The following DDX56 variants were observed in gnomAD, a reference collection of about 807,000 sequenced individuals.
DDX56 encodes the protein probable ATP-dependent RNA helicase DDX56.
In DDX56, 45 loss-of-function variants were observed where a neutral mutation model predicts 61.5. The observed-to-expected ratio is 0.73, with a 90% CI of 0.58 to 0.94. The LOEUF is 0.94. Among genes scored for constraint, DDX56 ranks in the 40% least tolerant of loss-of-function variants. The pLI is 0.00. For synonymous variants in DDX56, 273 were observed against 268.3 expected (o/e 1.02, Z -0.17); for missense variants, 708 against 690.7 (o/e 1.02, Z -0.28).
At position 44,570,868 on chromosome 7, in the gene DDX56, G is replaced by A; in HGVS notation, c.900C>T (p.Ile300=). Residue 300 remains isoleucine (I), a synonymous_variant, in exon 7 of 14, where the codon ATC becomes ATT. Coordinates refer to ENST00000258772, the MANE Select transcript of DDX56 (RefSeq NM_019082.4). ...GELPLRSRCH[I]ISQFNQGFYD... is the part of the protein sequence containing the mutation. The stretch of plus-strand genomic sequence containing the variant: ...AGAAGCCTTGGTTGAACTGTGAGAT[G>A]ATGTGGCACCTGCAGCCAAGAGCGG... The A allele has an allele frequency of 1.2e-6, 2 of 1,612,292 alleles. No homozygotes were observed. Among genetic ancestry groups the A allele is most frequent in the South Asian group, 1.1e-5 (1 of 91,034 alleles).
At chr7:44,572,278 A>G in intron 5 of DDX56, 69 bp downstream of exon 5, 2 of 1,339,834 alleles carry the variant, frequency 1.5e-6, no homozygotes, top group Non-Finnish European at 2.1e-6. Flanking sequence ...GAATCCCCTA[A>G]GAAGGAGCAT....
chr7:44,570,913 G>C (rs372322420), intron 6 of DDX56, 36 bp from the exon 7 acceptor site: 5 of 1,593,266 alleles, frequency 3.1e-6, no homozygotes, highest in Non-Finnish European at 4.3e-6. Flanking sequence ...CAGCTCAGCA[G>C]AGCAAGCTCA....
chr7:44,566,253 G>T, intron 13 of DDX56, 174 bp from the exon 14 acceptor site: 1 of 692,248 alleles, frequency 1.4e-6, no homozygotes, highest in Non-Finnish European at 2.5e-6. Context: ...AGAAAAGCAG[G>T]GCCTGCAGGC....
rs751207508 is a variant in DDX56 at position 44,568,152 on chromosome 7, C to T, written c.1455G>A (p.Val485=). The change falls in exon 12 of 14, where the codon GTG becomes GTA. Residue 485 remains valine, a synonymous_variant. Coordinates refer to ENST00000258772, the MANE Select transcript of DDX56 (RefSeq NM_019082.4). ...CAGGAACATGGCCCAGGTGGGGCTT[C>T]ACCACTGCGGGGTGCAAAGGTAGGT... ...RHDLPLHPAV[V]KPHLGHVPDY... 5 of 1,614,132 alleles carry T rather than the reference C, an allele frequency of 3.1e-6. No homozygotes were observed. The highest frequency in any genetic ancestry group is 3.4e-6 in the Non-Finnish European group (4 of 1,179,974).
intron 7 of DDX56, 27 bp downstream of exon 7, chr7:44,570,731 G>A (rs1208645060): frequency 1.3e-6 from 2 of 1,583,694 alleles, no homozygotes; most frequent in South Asian, 1.1e-5. Context: ...TTTCTGGGGA[G>A]GGATGGAAAA....
Position 44,570,079 on chromosome 7 carries a change from C to G in DDX56, c.1060G>C (p.Val354Leu). ...AGATCAAAGTTGAGCACAGCAGACA[C>G]ATGGTGGAAGTCTATGCCCCGGGCC... ...GVARGIDFHH[V>L]SAVLNFDLPP... The change falls in exon 8 of 14, where the codon GTG becomes CTG. Residue 354 changes from valine to leucine, a missense_variant. Physicochemically the swap from Val to Leu is conservative, Grantham distance 32. Transcript: ENST00000258772. 6.2e-7 allele frequency: 1 copy of G among 1,614,188 alleles called. No homozygotes were observed. The highest frequency in any genetic ancestry group is 1.7e-4 in the Middle Eastern group (1 of 6,060).
Position 44,569,245 on chromosome 7 carries a change from T to C in DDX56, c.1220-42A>G, listed in dbSNP as rs752795787. 1.9e-6 allele frequency: 3 copies of C among 1,585,946 alleles called. No individual in the cohort carries two copies. The South Asian group carries it at 3.3e-5, about 18-fold the overall frequency. On this transcript the variant is annotated intron_variant, in intron 9 of 13. Transcript: ENST00000258772. ...AGCGAGGGTCCCACAGGCTGAGGCCTTAGGATAGGGTCTTCATTGGAGGCC... is the reference window on the plus strand; with the variant it reads ...AGCGAGGGTCCCACAGGCTGAGGCCCTAGGATAGGGTCTTCATTGGAGGCC...
At chr7:44,570,985 ATC>A (rs1802655122) in intron 6 of DDX56, 108 bp from the exon 7 acceptor site, 2 of 1,343,004 alleles carry the variant, frequency 1.5e-6, no homozygotes, top group Non-Finnish European at 2.0e-6. Flanking sequence ...CCTCTTCTTA[ATC>A]TCTTTCCCTA....
intron 13 of DDX56, 52 bp from the exon 14 acceptor site, chr7:44,566,131 C>CCAA: frequency 1.9e-6 from 2 of 1,051,732 alleles, no homozygotes; most frequent in Admixed American, 2.2e-5. Flanking sequence ...GACAGACAAT[C>CCAA]CACCCACCCA....
Position 44,572,329 on chromosome 7 carries a change from T to A in DDX56, c.645+18A>T. On this transcript the variant is annotated intron_variant, in intron 5 of 13. Transcript: ENST00000258772. ...CCCCCATGTCTGCAGCTCCAGACACTTCCATGGTGCCTCTTACCGGGTTAT... is the reference window on the plus strand; with the variant it reads ...CCCCCATGTCTGCAGCTCCAGACACATCCATGGTGCCTCTTACCGGGTTAT... 6.2e-7 allele frequency: 1 copy of A among 1,608,264 alleles called. No individual in the cohort carries two copies.
chr7:44,570,823 A>C lies in DDX56; in HGVS notation c.945T>G (p.Thr315=). The change falls in exon 7 of 14, where the codon ACT becomes ACG. Residue 315 remains threonine (T), a synonymous_variant. Transcript: ENST00000258772. ...NQGFYDCVIA[T]DAEVLGAPVK... is the part of the protein sequence containing the mutation. ...CTGGGGCCCCCAGGACTTCAGCATC[A>C]GTTGCTATGACACAGTCGTAGAAGC... 1 of 1,614,018 alleles carries C rather than the reference A, an allele frequency of 6.2e-7. No individual in the cohort carries two copies. Among genetic ancestry groups the C allele is most frequent in the Non-Finnish European group, 8.5e-7 (1 of 1,179,902 alleles).
chr7:44,569,165 T>A lies in DDX56; in HGVS notation c.1258A>T (p.Met420Leu). ...GPILLPYQFR[M>L]EEIEGFRYRC... Reference sequence around the variant, plus strand: ...TAGCGGAAGCCCTCGATCTCCTCCATCCGGAACTGGTAGGGGAGCAGAATG... The same window carrying A: ...TAGCGGAAGCCCTCGATCTCCTCCAACCGGAACTGGTAGGGGAGCAGAATG... The change falls in exon 10 of 14, where the codon ATG becomes TTG. Residue 420 changes from methionine (M) to leucine (L), a missense_variant. Physicochemically the swap from Met to Leu is conservative, Grantham distance 15. Transcript: ENST00000258772. 3.1e-6 allele frequency: 5 copies of A among 1,614,020 alleles called. No individual in the cohort carries two copies. Among genetic ancestry groups the A allele is most frequent in the Non-Finnish European group, 4.2e-6 (5 of 1,180,002 alleles).
In DDX56 at chr7:44,568,934, T is replaced by G. The variant is rs768968674; in HGVS notation, c.1352A>C (p.Lys451Thr). ...AIREARLKEI[K>T]EELLHSEKLK... is the part of the protein sequence containing the mutation. Reference sequence around the variant, plus strand: ...CTTCTCAGAATGCAGAAGCTCTTCCTTGATCTCCTTCAATCTTGCCTCCCG... The same window carrying G: ...CTTCTCAGAATGCAGAAGCTCTTCCGTGATCTCCTTCAATCTTGCCTCCCG... Residue 451 changes from lysine to threonine, a missense_variant, in exon 11 of 14, where the codon AAG becomes ACG. Transcript: ENST00000258772. 3 of 1,614,150 alleles carry G rather than the reference T, an allele frequency of 1.9e-6. No individual in the cohort carries two copies. Among genetic ancestry groups the G allele is most frequent in the Non-Finnish European group, 2.5e-6 (3 of 1,180,028 alleles).
Position 44,570,876 on chromosome 7 carries a change from A to G in DDX56, c.892T>C (p.Cys298Arg), listed in dbSNP as rs1369950401. ...LNGELPLRSR[C>R]HIISQFNQGF... is the part of the protein sequence containing the mutation. Reference sequence around the variant, plus strand: ...TGGTTGAACTGTGAGATGATGTGGCACCTGCAGCCAAGAGCGGACAGAGAA... The same window carrying G: ...TGGTTGAACTGTGAGATGATGTGGCGCCTGCAGCCAAGAGCGGACAGAGAA... Residue 298 changes from cysteine to arginine, a missense_variant and splice_region_variant, in exon 7 of 14, where the codon TGC becomes CGC. By Grantham distance (180) the Cys-to-Arg change is radical. Transcript: ENST00000258772. 1.2e-6 allele frequency: 2 copies of G among 1,611,376 alleles called. No individual in the cohort carries two copies. The highest frequency in any genetic ancestry group is 1.7e-5 in the Admixed American group (1 of 59,922).
intron 5 of DDX56, 34 bp downstream of exon 5, chr7:44,572,313 C>T: frequency 1.3e-6 from 2 of 1,576,122 alleles, no homozygotes; most frequent in Non-Finnish European, 1.7e-6. Context: ...GCCCCCATGT[C>T]TGCAGCTCCA....
chr7:44,568,853 A>C (rs1802602679), intron 11 of DDX56, 50 bp downstream of exon 11: 1 of 1,514,466 alleles, frequency 6.6e-7, no homozygotes, highest in Non-Finnish European at 9.2e-7. Context: ...CAGTCTCCAA[A>C]AAGGGCAGCC....
Position 44,572,607 on chromosome 7 carries a change from A to G in DDX56, c.521T>C (p.Phe174Ser). The change falls in exon 4 of 14, where the codon TTT (phenylalanine) becomes TCT (serine). Residue 174 changes from phenylalanine (F) to serine (S), a missense_variant. Coordinates refer to ENST00000258772, the MANE Select transcript of DDX56 (RefSeq NM_019082.4). ...ACTCTTGAGCTCTTCTTCAAAGCCA[A>G]AGGAAAAAAGAAGGTCAGCTTCGTC... Reference protein sequence around the residue: ...VVDEADLLFSFGFEEELKSLL... With the variant: ...VVDEADLLFSSGFEEELKSLL... The G allele has an allele frequency of 5.0e-6, 8 of 1,614,154 alleles. No individual in the cohort carries two copies. Among genetic ancestry groups the G allele is most frequent in the Non-Finnish European group, 6.8e-6 (8 of 1,180,034 alleles).
rs546427552 is a variant in DDX56 at position 44,568,112 on chromosome 7, A to G, written c.1489+6T>C. ...GCTGCCTCCTGCCCTGTCAGGCCACACTCACCCAGGTAGTCAGGAACATGG... is the reference window on the plus strand; with the variant it reads ...GCTGCCTCCTGCCCTGTCAGGCCACGCTCACCCAGGTAGTCAGGAACATGG... On this transcript the variant is annotated splice_donor_region_variant and intron_variant, in intron 12 of 13. Transcript: ENST00000258772. 7.4e-6 allele frequency: 12 copies of G among 1,610,894 alleles called. No homozygotes were observed. The East Asian group carries it at 8.9e-5, about 12-fold the overall frequency.
At position 44,571,510 on chromosome 7, in the gene DDX56, T is replaced by C; in HGVS notation, c.872A>G (p.Glu291Gly). 1 of 1,614,000 alleles carries C rather than the reference T, an allele frequency of 6.2e-7. No individual in the cohort carries two copies. Among genetic ancestry groups the C allele is most frequent in the Non-Finnish European group, 8.5e-7 (1 of 1,179,950 alleles). Residue 291 changes from glutamate to glycine, a missense_variant, in exon 6 of 14, where the codon GAG becomes GGG. By Grantham distance (98) the Glu-to-Gly change is moderately conservative. Transcript: ENST00000258772. ...GGCAGACCTGGAGCGCAGTGGAAGC[T>C]CTCCATTGAGCACACAGGTGGGGAT... ...FSIPTCVLNG[E>G]LPLRSRCHII... is the part of the protein sequence containing the mutation.
Sources: allele counts gnomAD v4.1 joint callset, GRCh38; gene constraint gnomAD v4.1.1; transcripts MANE v1.5; gene names NCBI Gene and HGNC (gene_info 2026-07-23, HGNC 2026-07-21).